MERTK: variants seen among roughly 807,000 people sequenced by gnomAD.
The protein encoded by MERTK is MER proto-oncogene, tyrosine kinase, also known as tyrosine-protein kinase Mer.
In MERTK, 69 loss-of-function variants were observed where a neutral mutation model predicts 99.3. The observed-to-expected ratio is 0.70, with a 90% confidence interval of 0.57 to 0.85. The LOEUF is 0.85. Ranked by LOEUF, MERTK falls within the 40% of genes least tolerant of loss-of-function variation. MERTK has a pLI of 0.00. For synonymous variants in MERTK, 426 were observed against 467.6 expected, an observed-to-expected ratio of 0.91 and a Z score of 1.15; for missense variants, 1,125 against 1,249.4, an observed-to-expected ratio of 0.90 and a Z score of 1.50.
intron 1 of MERTK, among the ~76,000 whole-genome samples, chr2:111,909,923 G>T (rs1684210352): frequency 6.6e-6 from 1 of 152,048 alleles, no homozygotes; most frequent in Non-Finnish European, 1.5e-5. Flanking sequence ...TTGCACTACT[G>T]GTCATTTATC....
chr2:112,006,001 C>T (rs1013612819), intron 13 of MERTK, among the ~76,000 whole-genome samples: 22 of 152,296 alleles, frequency 1.4e-4, no homozygotes, highest in African/African-American at 5.1e-4. Flanking sequence ...CTGCCTCAGC[C>T]TCCTGAGTAG....
chr2:111,922,804 C>A (rs1684488907), intron 1 of MERTK, among the ~76,000 whole-genome samples: 1 of 152,262 alleles, frequency 6.6e-6, no homozygotes, highest in Non-Finnish European at 1.5e-5. Context: ...AACCTCTGAG[C>A]AGCACTGCCC....
At position 111,909,925 on chromosome 2, in the gene MERTK, T is replaced by A. The variant is rs138332528; in HGVS notation, c.61+11129T>A. ...TATGATCCTGTAATTGCACTACTGG[T>A]CATTTATCCAAAAGAAAGGATATCA... is the stretch of plus-strand genomic sequence containing the variant. On this transcript the variant is annotated intron_variant, in intron 1 of 18. Transcript: ENST00000295408. Among the ~76,000 whole-genome samples the A allele has an allele frequency of 7.0e-3, 1,073 of 152,288 alleles. 7 individuals carry two copies. Among genetic ancestry groups the A allele is most frequent in the Middle Eastern group, 0.037 (11 of 294 alleles).
intron 2 of MERTK, among the ~76,000 whole-genome samples, chr2:111,943,036 A>G (rs1684893479): frequency 6.6e-6 from 1 of 152,174 alleles, no homozygotes; most frequent in South Asian, 2.1e-4. Flanking sequence ...CTCACTCACT[A>G]CCACATGTCT....
chr2:111,998,146 G>T (rs939626918), intron 10 of MERTK, among the ~76,000 whole-genome samples: 13 of 152,312 alleles, frequency 8.5e-5, no homozygotes, highest in African/African-American at 3.1e-4. Context: ...AAGATTGGCA[G>T]CCAGGCTACG....
chr2:111,998,210 C>T (rs1676793751), intron 10 of MERTK, among the ~76,000 whole-genome samples: 1 of 152,152 alleles, frequency 6.6e-6, no homozygotes, highest in South Asian at 2.1e-4. Context: ...TCTTTATAAG[C>T]CTATTCTTAC....
In MERTK at chr2:112,025,694, A is replaced by G. The variant is rs536101151; in HGVS notation, c.2487-2657A>G. 3.9e-5 allele frequency among the ~76,000 whole-genome samples: 6 copies of G among 152,302 alleles called. No individual in the cohort carries two copies. In the South Asian group the frequency reaches 1.0e-3, roughly 26 times the overall value. On this transcript the variant is annotated intron_variant, in intron 18 of 18. Transcript: ENST00000295408. ...TTCCCTGTGCAGACTTGCAGCCTGC[A>G]CTCAGCCATCCTCAGAGCCAGGAGC...
chr2:111,914,661 T>C (rs1684316959), intron 1 of MERTK, among the ~76,000 whole-genome samples: 1 of 152,324 alleles, frequency 6.6e-6, no homozygotes, highest in Admixed American at 6.5e-5. Flanking sequence ...ATCATGTGAT[T>C]TTTATTTTTT....
Position 112,003,931 on chromosome 2 carries a change from A to G in MERTK, c.1814A>G (p.Asn605Ser). The change falls in exon 13 of 19, where the codon AAT becomes AGT. Residue 605 changes from asparagine (N) to serine (S), a missense_variant. Coordinates refer to ENST00000295408, the MANE Select transcript of MERTK (RefSeq NM_006343.3). Reference sequence around the variant, plus strand: ...GAGTTTGGGTCTGTAATGGAAGGAAATCTTAAGCAGGAAGATGGGACCTCT... The same window carrying G: ...GAGTTTGGGTCTGTAATGGAAGGAAGTCTTAAGCAGGAAGATGGGACCTCT... ...EGEFGSVMEG[N>S]LKQEDGTSLK... 2 of 1,613,814 alleles carry G rather than the reference A, an allele frequency of 1.2e-6. No homozygotes were observed. Among genetic ancestry groups the G allele is most frequent in the Non-Finnish European group, 8.5e-7 (1 of 1,179,724 alleles).
intron 15 of MERTK, among the ~76,000 whole-genome samples, chr2:112,011,575 C>G (rs1677106033): frequency 6.6e-6 from 1 of 152,024 alleles, no homozygotes; most frequent in Non-Finnish European, 1.5e-5. Context: ...ATGGTGAAAC[C>G]CCATCTCTCA....
At chr2:111,947,285 A>AC in intron 3 of MERTK, 109 bp from the exon 4 acceptor site, 3 of 493,776 alleles carry the variant, frequency 6.1e-6, no homozygotes, top group Non-Finnish European at 7.7e-6. Flanking sequence ...CCCGCCCCCC[A>AC]CAAAAAAAGA....
chr2:111,903,117 C>A (rs935794076), intron 1 of MERTK, among the ~76,000 whole-genome samples: 2 of 151,964 alleles, frequency 1.3e-5, no homozygotes, highest in Non-Finnish European at 2.9e-5. Context: ...ACTGTCCCCC[C>A]ACCACAAGGT....
chr2:111,908,374 G>A (rs535953411), intron 1 of MERTK, among the ~76,000 whole-genome samples: 47 of 152,016 alleles, frequency 3.1e-4, no homozygotes, highest in Non-Finnish European at 5.7e-4. Context: ...GATTTAACAG[G>A]TAATAAAACT....
At chr2:112,020,684 G>T in intron 16 of MERTK, 1 of 470,950 alleles carries the variant, frequency 2.1e-6, no homozygotes, top group Non-Finnish European at 4.4e-6. Flanking sequence ...AAACTCTCAG[G>T]GGGCTTACTT....
intron 8 of MERTK, among the ~76,000 whole-genome samples, chr2:111,987,841 A>G (rs887630781): frequency 1.3e-5 from 2 of 152,112 alleles, no homozygotes; most frequent in South Asian, 2.1e-4. Context: ...GCAGAGACAC[A>G]TTTTTATACG....
chr2:111,999,343 G>A (rs1431059240), intron 10 of MERTK, among the ~76,000 whole-genome samples: 1 of 152,048 alleles, frequency 6.6e-6, no homozygotes, highest in Non-Finnish European at 1.5e-5. Context: ...CTGTCGTCCA[G>A]GCTGGAGTGC....
chr2:111,977,970 C>T (rs1401954163), intron 7 of MERTK, among the ~76,000 whole-genome samples: 2 of 151,802 alleles, frequency 1.3e-5, no homozygotes, highest in Non-Finnish European at 2.9e-5. Flanking sequence ...TCTTATTTTC[C>T]TTTTTCTGTC....
At chr2:111,952,011 A>C (rs1006170642) in intron 4 of MERTK, 3 of 152,220 alleles carry the variant, frequency 2.0e-5, no homozygotes, top group African/African-American at 7.2e-5. Context: ...CAAGATGTGC[A>C]AACTATTTTA....
intron 6 of MERTK, among the ~76,000 whole-genome samples, chr2:111,974,353 C>T (rs58860175): frequency 9.2e-5 from 14 of 151,810 alleles, no homozygotes; most frequent in Admixed American, 9.2e-4. Flanking sequence ...AACCATTGCA[C>T]TCCAGCCTGG....
Sources: gnomAD v4.1 joint callset for allele counts (sites outside exome capture counted in the v4.1 genomes callset) on GRCh38, gnomAD v4.1.1 for gene constraint, MANE v1.5 for transcripts, NCBI Gene and HGNC (gene_info 2026-07-23, HGNC 2026-07-21) for gene names.